The following FN3KRP variants were observed in gnomAD, a reference collection of about 807,000 sequenced individuals.
The protein encoded by FN3KRP is fructosamine 3 kinase related protein.
A neutral mutation model predicts 29.8 loss-of-function variants in FN3KRP; 33 were observed. The observed-to-expected ratio is 1.11, with a 90% CI of 0.84 to 1.48. FN3KRP has a LOEUF of 1.48. Among genes scored for constraint, FN3KRP ranks in the 40% most tolerant of loss-of-function variants. FN3KRP has a pLI of 0.00. For synonymous variants in FN3KRP, 157 were observed against 155.2 expected (o/e 1.01, Z -0.09); for missense variants, 430 against 402.6 (o/e 1.07, Z -0.58).
chr17:82,722,143 G>GT (rs1568060478), intron 3 of FN3KRP, among the ~76,000 whole-genome samples: 2 of 149,748 alleles, frequency 1.3e-5, no homozygotes, highest in East Asian at 2.0e-4. Context: ...CATTTTTATG[G>GT]TTTTTTTTGA....
intron 3 of FN3KRP, among the ~76,000 whole-genome samples, chr17:82,721,613 C>A (rs1025906519): frequency 3.9e-5 from 6 of 152,042 alleles, no homozygotes; most frequent in African/African-American, 1.4e-4. Flanking sequence ...CGCCATTCTC[C>A]TGCCTCAGCC....
intron 1 of FN3KRP, among the ~76,000 whole-genome samples, chr17:82,717,897 TATGTTTGTA>T (rs2046769565): frequency 6.6e-6 from 1 of 152,056 alleles, no homozygotes. Flanking sequence ...TGTATGTGTG[TATGTTTGTA>T]ATGTTTGTAT....
At position 82,726,842 on chromosome 17, in the gene FN3KRP, C is replaced by A; in HGVS notation, c.601C>A (p.Pro201Thr). Reference sequence around the variant, plus strand: ...ATTTTCCTCCCTGCAGTTAAAGATCCCTGACCTGTTCCGTGACCTGGAGAT... The same window carrying A: ...ATTTTCCTCCCTGCAGTTAAAGATCACTGACCTGTTCCGTGACCTGGAGAT... ...QLWSALQLKI[P>T]DLFRDLEIIP... The change falls in exon 6 of 6, where the codon CCT (proline) becomes ACT (threonine). Residue 201 changes from proline to threonine, a missense_variant. By Grantham distance (38) the Pro-to-Thr change is conservative (BLOSUM62 -1). Transcript: ENST00000269373. 1 of 1,540,510 alleles carries A rather than the reference C, an allele frequency of 6.5e-7. No homozygotes were observed. The highest frequency in any genetic ancestry group is 8.7e-7 in the Non-Finnish European group (1 of 1,146,116).
At chr17:82,725,550 A>G (rs1311015250) in intron 4 of FN3KRP, among the ~76,000 whole-genome samples, 1 of 151,938 alleles carries the variant, frequency 6.6e-6, no homozygotes, top group African/African-American at 2.4e-5. Context: ...TCCGGGTTCA[A>G]TCAGTTCTCC....
chr17:82,726,385 G>A (rs906731366), intron 4 of FN3KRP, 95 bp from the exon 5 acceptor site: 101 of 1,504,274 alleles, frequency 6.7e-5, no homozygotes, highest in Non-Finnish European at 8.9e-5. Context: ...TGCCGCTCCT[G>A]CAGCCCTCTC....
At chr17:82,720,073 G>A (rs1049025794) in intron 2 of FN3KRP, among the ~76,000 whole-genome samples, 199 bp from the exon 3 acceptor site, 2 of 152,128 alleles carry the variant, frequency 1.3e-5, no homozygotes, top group African/African-American at 4.8e-5. Context: ...GGCTGAGGCA[G>A]GAGAATCGCT....
At chr17:82,725,376 C>T (rs1323088377) in intron 4 of FN3KRP, among the ~76,000 whole-genome samples, 2 of 152,162 alleles carry the variant, frequency 1.3e-5, no homozygotes, top group Non-Finnish European at 2.9e-5. Flanking sequence ...AAGTGATCCT[C>T]CCACCTCAGC....
Position 82,727,478 on chromosome 17 carries a change from G to A in FN3KRP, c.*307G>A, listed in dbSNP as rs1002625815. 3 of 274,674 alleles carry A rather than the reference G, an allele frequency of 1.1e-5. No homozygotes were observed. Among genetic ancestry groups the A allele is most frequent in the Admixed American group, 9.5e-5 (2 of 21,026 alleles). 17.0% of individuals were successfully genotyped at this position (274,674 alleles called of 1,614,324 possible). ...AAACTGTAAGTGAACCCCTGTGGGT[G>A]CGGGGGAGGGTATCCGGTGCGCAGG... On this transcript the variant is annotated 3_prime_UTR_variant, in exon 6 of 6. Transcript: ENST00000269373.
At position 82,722,803 on chromosome 17, in the gene FN3KRP, G is replaced by A. The variant is rs2046807477; in HGVS notation, c.386-1G>A. ...TCCTTTCTTTTACTTTTGCTTGCAA[G>A]GGAGAGGAGGTGGGCAGGAGGAACG... On this transcript the variant is annotated splice_acceptor_variant, in intron 3 of 5. Coordinates refer to ENST00000269373, the MANE Select transcript of FN3KRP (RefSeq NM_024619.4). LOFTEE classifies it high-confidence loss of function. 1 of 1,613,634 alleles carries A rather than the reference G, an allele frequency of 6.2e-7. No individual in the cohort carries two copies. Among genetic ancestry groups the A allele is most frequent in the Non-Finnish European group, 8.5e-7 (1 of 1,179,944 alleles).
At position 82,727,094 on chromosome 17, in the gene FN3KRP, T is replaced by TA; in HGVS notation, c.854dup (p.Tyr285Ter). Residue 285 changes from tyrosine (Y) to a stop codon, truncating the protein, a stop_gained and frameshift_variant, in exon 6 of 6, where the codon TAC becomes TAAC. Transcript: ENST00000269373. LOFTEE classifies it high-confidence loss of function. ...CCTTCAGTTGTATCAGCTCTTTCAC[T>TA]ACTTGAACCACTGGAATCATTTTGG... ...KRLQLYQLFH[Y>*]LNHWNHFGSG... The TA allele has an allele frequency of 6.2e-7, 1 of 1,614,170 alleles. No individual in the cohort carries two copies.
chr17:82,720,202 T>G, intron 2 of FN3KRP, 70 bp from the exon 3 acceptor site: 1 of 1,286,824 alleles, frequency 7.8e-7, no homozygotes. Flanking sequence ...TTATGTGCCC[T>G]GAGACTGAGC....
Position 82,720,258 on chromosome 17 carries a change from G to A in FN3KRP, c.294-14G>A, listed in dbSNP as rs752740663. On this transcript the variant is annotated splice_polypyrimidine_tract_variant and intron_variant, in intron 2 of 5. Coordinates refer to ENST00000269373, the MANE Select transcript of FN3KRP (RefSeq NM_024619.4). ...GTGTGTCATCTGTTTAGTTGCTGTC[G>A]TTTGATTTGACAGTCATGCTGCAAA... 1.8e-5 allele frequency: 29 copies of A among 1,610,976 alleles called. No individual in the cohort carries two copies. The East Asian group carries it at 3.1e-4, about 17-fold the overall frequency.
chr17:82,726,663 G>T, intron 5 of FN3KRP, 61 bp downstream of exon 5: 1 of 1,565,648 alleles, frequency 6.4e-7, no homozygotes, highest in Non-Finnish European at 8.6e-7. Flanking sequence ...CTGAGGTAGG[G>T]GAGGCACCAA....
chr17:82,724,317 T>C (rs1702599511), intron 4 of FN3KRP, among the ~76,000 whole-genome samples: 1 of 150,562 alleles, frequency 6.6e-6, no homozygotes, highest in Non-Finnish European at 1.5e-5. Flanking sequence ...AGAAAGAAAA[T>C]GTTCTGGACC....
At chr17:82,717,004 G>T (rs2046760636) in intron 1 of FN3KRP, 108 bp downstream of exon 1, 1 of 1,349,658 alleles carries the variant, frequency 7.4e-7, no homozygotes, top group South Asian at 1.5e-5. Context: ...GCCGTGGGTG[G>T]CTCTCCCGGG....
At chr17:82,722,939 C>A in intron 4 of FN3KRP, 53 bp downstream of exon 4, 1 of 1,530,762 alleles carries the variant, frequency 6.5e-7, no homozygotes, top group Non-Finnish European at 9.0e-7. Flanking sequence ...TGTTCAGACA[C>A]ACGGGTTGGG....
At chr17:82,725,400 G>A (rs2046829913) in intron 4 of FN3KRP, among the ~76,000 whole-genome samples, 1 of 152,024 alleles carries the variant, frequency 6.6e-6, no homozygotes, top group African/African-American at 2.4e-5. Context: ...GCAAAATGCT[G>A]GGATTACAGA....
rs770023142 is a variant in FN3KRP at position 82,723,173 on chromosome 17, G to GA, written c.468+289dup. 6.9e-4 allele frequency among the ~76,000 whole-genome samples: 105 copies of GA among 152,284 alleles called. 1 individual carries two copies. Among genetic ancestry groups the GA allele is most frequent in the Admixed American group, 6.1e-3 (93 of 15,282 alleles). Reference sequence around the variant, plus strand: ...GTATACTAAACTCTCAAAGAGGGTGGAATGACAAGGGTTTGTCACTTTTGG... The same window carrying GA: ...GTATACTAAACTCTCAAAGAGGGTGGAAATGACAAGGGTTTGTCACTTTTGG... On this transcript the variant is annotated intron_variant, in intron 4 of 5. Coordinates refer to ENST00000269373, the MANE Select transcript of FN3KRP (RefSeq NM_024619.4).
In FN3KRP at chr17:82,720,344, G is replaced by A. The variant is rs577104797; in HGVS notation, c.366G>A (p.Leu122=). The change falls in exon 3 of 6, where the codon CTG becomes CTA. Residue 122 remains leucine (L), a synonymous_variant. Coordinates refer to ENST00000269373, the MANE Select transcript of FN3KRP (RefSeq NM_024619.4). ...ACAAGAAGCTTGGAGAGATGCGCCT[G>A]AAGGAGGCGGGCACAGTGGGTATGG... ...LDNKKLGEMR[L]KEAGTVGRGG... 4 of 1,613,662 alleles carry A rather than the reference G, an allele frequency of 2.5e-6. No homozygotes were observed. Among genetic ancestry groups the A allele is most frequent in the Non-Finnish European group, 3.4e-6 (4 of 1,179,938 alleles).
Sources: gnomAD v4.1 joint callset for allele counts (sites outside exome capture counted in the v4.1 genomes callset) on GRCh38, gnomAD v4.1.1 for gene constraint, MANE v1.5 for transcripts, NCBI Gene and HGNC (gene_info 2026-07-23, HGNC 2026-07-21) for gene names.